BCL2: variants seen among roughly 807,000 people sequenced by gnomAD.
BCL2 encodes the protein apoptosis regulator Bcl-2.
Under a neutral mutation model 14.2 loss-of-function variants are expected in BCL2, and 1 was observed. The observed-to-expected ratio is 0.07, with a 90% CI of 0.02 to 0.33. The LOEUF is 0.33. BCL2 is among the 10% of genes least tolerant of loss of function. The pLI is 0.99. For missense variants in BCL2, 247 were observed against 305.9 expected, an observed-to-expected ratio of 0.81 and a Z score of 1.44; for synonymous variants, 151 against 137.2, an observed-to-expected ratio of 1.10 and a Z score of -0.70.
At chr18:63,169,268 C>CTT in intron 2 of BCL2, among the ~76,000 whole-genome samples, 1 of 66,284 alleles carries the variant, frequency 1.5e-5, no homozygotes, top group Admixed American at 1.7e-4. Flanking sequence ...TTCTTTCTTT[C>CTT]TTTCTTTCTT....
intron 2 of BCL2, among the ~76,000 whole-genome samples, chr18:63,283,480 A>T: frequency 1.0e-5 from 1 of 99,526 alleles, no homozygotes; most frequent in Non-Finnish European, 2.7e-5. Context: ...CAAACCACTA[A>T]TTTAGTTGTT....
At chr18:63,251,104 G>A (rs1463529260) in intron 2 of BCL2, among the ~76,000 whole-genome samples, 1 of 148,972 alleles carries the variant, frequency 6.7e-6, no homozygotes, top group Admixed American at 6.8e-5. Flanking sequence ...CACAAAATAT[G>A]AGACTTGAAG....
chr18:63,169,273 T>C (rs1480022566), intron 2 of BCL2, among the ~76,000 whole-genome samples: 3,009 of 68,846 alleles, frequency 0.044, 431 homozygotes, highest in East Asian at 0.12. Context: ...TCTTTCTTTC[T>C]TTCTTTCTTT....
intron 2 of BCL2, among the ~76,000 whole-genome samples, chr18:63,260,958 C>G (rs1911641668): frequency 6.6e-6 from 1 of 152,048 alleles, no homozygotes; most frequent in Admixed American, 6.5e-5. Flanking sequence ...CACTTTTCCA[C>G]AAAGAATTAA....
intron 2 of BCL2, among the ~76,000 whole-genome samples, chr18:63,310,722 T>A (rs1411197387): frequency 1.3e-5 from 2 of 152,218 alleles, no homozygotes; most frequent in African/African-American, 4.8e-5. Context: ...AAAACCCCTC[T>A]CCATGACCAT....
At chr18:63,304,856 T>C (rs750069666) in intron 2 of BCL2, among the ~76,000 whole-genome samples, 2 of 152,216 alleles carry the variant, frequency 1.3e-5, no homozygotes, top group Non-Finnish European at 2.9e-5. Context: ...ATAAGGACTC[T>C]GAGGAATTCA....
intron 2 of BCL2, among the ~76,000 whole-genome samples, chr18:63,129,643 GA>G (rs1391337732): frequency 1.3e-5 from 2 of 152,196 alleles, no homozygotes; most frequent in Admixed American, 6.5e-5. Flanking sequence ...AAAAAGCTGA[GA>G]ATCGCAGGGA....
Position 63,126,913 on chromosome 18 carries a change from C to A in BCL2, c.*1712G>T, listed in dbSNP as rs1171016202. 4.4e-6 allele frequency: 1 copy of A among 226,872 alleles called. No homozygotes were observed. The highest frequency in any genetic ancestry group is 8.8e-6 in the Non-Finnish European group (1 of 113,920). 14.1% of individuals were successfully genotyped at this position (226,872 alleles called of 1,614,324 possible). ...ATAAATGGTATATAATGCAATAATG[C>A]CACAGAGTTATTCCATCAATGTTTC... On this transcript the variant is annotated 3_prime_UTR_variant, in exon 3 of 3. Coordinates refer to ENST00000333681, the MANE Select transcript of BCL2 (RefSeq NM_000633.3).
Position 63,149,448 on chromosome 18 carries a change from G to A in BCL2, c.586-20689C>T, listed in dbSNP as rs550712233. ...CAGGCCACAGACCCATACCGGTCCC[G>A]GGCTATATGTATAAGTTGCAACTGT... On this transcript the variant is annotated intron_variant, in intron 2 of 2. Coordinates refer to ENST00000333681, the MANE Select transcript of BCL2 (RefSeq NM_000633.3). This position sits in a 1 kb window ranked among gnomAD's most constrained non-coding sequence, Gnocchi z 4.2. Among the ~76,000 whole-genome samples, 7 of 152,280 alleles carry A rather than the reference G, an allele frequency of 4.6e-5. No homozygotes were observed. The highest frequency in any genetic ancestry group is 4.2e-4 in the South Asian group (2 of 4,818).
chr18:63,285,729 C>G (rs770453244), intron 2 of BCL2, among the ~76,000 whole-genome samples: 7 of 152,086 alleles, frequency 4.6e-5, no homozygotes, highest in Admixed American at 4.6e-4. Context: ...GAGGGTGCAC[C>G]GTTTCCATGC....
chr18:63,240,210 A>T (rs189252164), intron 2 of BCL2, among the ~76,000 whole-genome samples: 1 of 152,046 alleles, frequency 6.6e-6, no homozygotes. Flanking sequence ...GCTGGTCTTG[A>T]ACTCCTGGGC....
intron 2 of BCL2, among the ~76,000 whole-genome samples, chr18:63,129,797 G>A (rs1192334178): frequency 6.6e-6 from 1 of 152,184 alleles, no homozygotes. Flanking sequence ...CAGTGGAGGG[G>A]CCAAGGGCGG....
At chr18:63,200,999 G>T (rs1390301905) in intron 2 of BCL2, among the ~76,000 whole-genome samples, 1 of 152,180 alleles carries the variant, frequency 6.6e-6, no homozygotes, top group East Asian at 1.9e-4. Flanking sequence ...AGCAGGCACG[G>T]GATGTTTGAA....
chr18:63,272,089 G>A (rs1912017715), intron 2 of BCL2, among the ~76,000 whole-genome samples: 1 of 152,204 alleles, frequency 6.6e-6, no homozygotes, highest in African/African-American at 2.4e-5. Flanking sequence ...AGTCTCATTA[G>A]CTGAACCCTC....
intron 2 of BCL2, among the ~76,000 whole-genome samples, chr18:63,255,294 A>T (rs1032747805): frequency 6.6e-6 from 1 of 152,202 alleles, no homozygotes; most frequent in African/African-American, 2.4e-5. Context: ...CTCTATCCAA[A>T]CCATTACTTC....
intron 2 of BCL2, among the ~76,000 whole-genome samples, chr18:63,243,334 G>A (rs1911065103): frequency 6.6e-6 from 1 of 152,072 alleles, no homozygotes; most frequent in Non-Finnish European, 1.5e-5. Context: ...GACATATACA[G>A]GGGAACAACA....
At chr18:63,158,401 A>G (rs1914837942) in intron 2 of BCL2, among the ~76,000 whole-genome samples, 1 of 152,008 alleles carries the variant, frequency 6.6e-6, no homozygotes, top group Admixed American at 6.6e-5. Flanking sequence ...AGTCTCTCAT[A>G]GCCTGGCCTT....
Position 63,193,651 on chromosome 18 carries a change from T to TACAC in BCL2, c.586-64896_586-64893dup, listed in dbSNP as rs1227787171. ...ATACAAATACACACACACATATATA[T>TACAC]ACACATACATATATATACACACACA... On this transcript the variant is annotated intron_variant, in intron 2 of 2. Coordinates refer to ENST00000333681, the MANE Select transcript of BCL2 (RefSeq NM_000633.3). 8.0e-5 allele frequency among the ~76,000 whole-genome samples: 12 copies of TACAC among 150,734 alleles called. 1 individual carries two copies. The highest frequency in any genetic ancestry group is 7.4e-5 in the African/African-American group (3 of 40,754).
intron 2 of BCL2, among the ~76,000 whole-genome samples, chr18:63,275,976 G>A (rs763947290): frequency 1.3e-5 from 2 of 152,266 alleles, no homozygotes; most frequent in Non-Finnish European, 2.9e-5. Context: ...GGGAGTGATG[G>A]TTGAAACCTG....
Sources: allele counts gnomAD v4.1 joint callset (sites outside exome capture counted in the v4.1 genomes callset), GRCh38; gene constraint gnomAD v4.1.1; non-coding constraint Gnocchi (gnomAD v3.1); transcripts MANE v1.5; gene names NCBI Gene and HGNC (gene_info 2026-07-23, HGNC 2026-07-21).